Variants in CRB1 observed in about 807,000 individuals in gnomAD.
CRB1 encodes crumbs cell polarity complex component 1.
Under a neutral mutation model 120.0 loss-of-function variants are expected in CRB1, and 83 were observed. That is an observed-to-expected ratio of 0.69 (90% confidence interval 0.58 to 0.83). The LOEUF (loss-of-function observed/expected upper bound fraction) is 0.83. Among genes scored for constraint, CRB1 ranks in the 40% least tolerant of loss-of-function variants. The pLI, the probability that CRB1 is intolerant of heterozygous loss-of-function variation, is 0.00. For synonymous variants in CRB1, 625 were observed against 612.5 expected, an observed-to-expected ratio of 1.02 and a Z score of -0.30; for missense variants, 1,699 against 1,687.6, an observed-to-expected ratio of 1.01 and a Z score of -0.12.
intron 5 of CRB1, among the ~76,000 whole-genome samples, chr1:197,414,955 T>C (rs1663898582): frequency 6.6e-6 from 1 of 152,256 alleles, no homozygotes; most frequent in African/African-American, 2.4e-5. Context: ...TTCTGTTTGC[T>C]GTTCTTCGGA....
intron 5 of CRB1, among the ~76,000 whole-genome samples, chr1:197,381,781 A>G (rs1033339574): frequency 2.6e-5 from 4 of 152,208 alleles, no homozygotes; most frequent in Non-Finnish European, 5.9e-5. Flanking sequence ...AACATGAAAA[A>G]TTTTAGAAAT....
intron 2 of CRB1, among the ~76,000 whole-genome samples, chr1:197,339,156 T>C (rs1255117911): frequency 6.6e-6 from 1 of 152,266 alleles, no homozygotes; most frequent in Non-Finnish European, 1.5e-5. Flanking sequence ...ATGTTCCCAC[T>C]GAAAATAATA....
chr1:197,204,477 A>G, the CRB1 span, among the ~76,000 whole-genome samples: 1 of 152,162 alleles, frequency 6.6e-6, no homozygotes, highest in Non-Finnish European at 1.5e-5. Context: ...CCATTCTTGC[A>G]GGATTAAGGT....
At chr1:197,391,091 G>C (rs1354891261) in intron 5 of CRB1, among the ~76,000 whole-genome samples, 1 of 152,062 alleles carries the variant, frequency 6.6e-6, no homozygotes. Flanking sequence ...AGAACAAGCA[G>C]GAGAATTCGC....
At chr1:197,291,725 A>C (rs1415419928) in intron 1 of CRB1, among the ~76,000 whole-genome samples, 1 of 151,872 alleles carries the variant, frequency 6.6e-6, no homozygotes, top group South Asian at 2.1e-4. Context: ...GTTATTATTC[A>C]TTGAAATTTT....
chr1:197,354,593 A>G (rs1026900024), intron 4 of CRB1, among the ~76,000 whole-genome samples: 1 of 151,956 alleles, frequency 6.6e-6, no homozygotes. Context: ...AGAGTTGTTT[A>G]TTCCTCCTGG....
At chr1:197,341,545 A>G (rs749787796) in intron 2 of CRB1, among the ~76,000 whole-genome samples, 3 of 152,036 alleles carry the variant, frequency 2.0e-5, no homozygotes, top group Admixed American at 6.6e-5. Context: ...TCTCAGAAAA[A>G]AAAAAGAAAA....
chr1:197,346,718 T>G (rs1432503919), intron 3 of CRB1, among the ~76,000 whole-genome samples: 1 of 152,232 alleles, frequency 6.6e-6, no homozygotes, highest in African/African-American at 2.4e-5. Context: ...TCATTAGATT[T>G]GTATTTTGGG....
chr1:197,204,274 G>A, the CRB1 span, among the ~76,000 whole-genome samples: 2 of 152,116 alleles, frequency 1.3e-5, no homozygotes, highest in Non-Finnish European at 2.9e-5. Context: ...TATATTTTTC[G>A]TATAATGACT....
intron 1 of CRB1, among the ~76,000 whole-genome samples, chr1:197,319,053 A>G (rs912962684): frequency 2.0e-5 from 3 of 151,946 alleles, no homozygotes; most frequent in Non-Finnish European, 2.9e-5. Context: ...ATAGGACCTG[A>G]TAATATCTTC....
At chr1:197,339,491 A>G (rs1183876286) in intron 2 of CRB1, among the ~76,000 whole-genome samples, 2 of 152,202 alleles carry the variant, frequency 1.3e-5, no homozygotes, top group Non-Finnish European at 2.9e-5. Context: ...CATCACATAC[A>G]TTGAATGGAA....
chr1:197,267,063 A>G (rs1329478083), upstream of CRB1, among the ~76,000 whole-genome samples: 1 of 152,176 alleles, frequency 6.6e-6, no homozygotes, highest in African/African-American at 2.4e-5. Flanking sequence ...AAATCATGGG[A>G]AGACTCTGGT....
chr1:197,441,286 C>G (rs1481258590), intron 10 of CRB1: 2 of 152,068 alleles, frequency 1.3e-5, no homozygotes, highest in Non-Finnish European at 2.9e-5. Flanking sequence ...GAGTGTTTGT[C>G]ACATAGTATG....
intron 6 of CRB1, among the ~76,000 whole-genome samples, chr1:197,424,355 C>G (rs1314330618): frequency 1.3e-5 from 2 of 152,266 alleles, no homozygotes; most frequent in Non-Finnish European, 2.9e-5. Flanking sequence ...AAATAAAAAT[C>G]TCAACTTGCC....
At chr1:197,211,121 C>T in the CRB1 span, among the ~76,000 whole-genome samples, 4 of 152,064 alleles carry the variant, frequency 2.6e-5, no homozygotes, top group African/African-American at 7.2e-5. Flanking sequence ...ATGACAGGGG[C>T]TGGAAAACTT....
chr1:197,335,284 G>T (rs1481558980), intron 2 of CRB1, among the ~76,000 whole-genome samples: 2 of 152,314 alleles, frequency 1.3e-5, no homozygotes, highest in Middle Eastern at 3.4e-3. Context: ...CTTTAAGTGA[G>T]ATGGGATGTT....
At chr1:197,415,641 C>CTTTTTTTTTTTTTTTTTTTT (rs55654070) in intron 5 of CRB1, among the ~76,000 whole-genome samples, 6 of 94,014 alleles carry the variant, frequency 6.4e-5, no homozygotes, top group East Asian at 3.1e-4. Context: ...TTTTTCTTTT[C>CTTTTTTTTTTTTTTTTTTTT]TTTTTTTTTT....
At chr1:197,219,865 T>C in the CRB1 span, among the ~76,000 whole-genome samples, 1 of 152,222 alleles carries the variant, frequency 6.6e-6, no homozygotes, top group African/African-American at 2.4e-5. Flanking sequence ...AACGGTTGTG[T>C]AGTACTATCT....
intron 5 of CRB1, chr1:197,357,516 G>T: frequency 1.0e-5 from 2 of 200,982 alleles, no homozygotes; most frequent in Non-Finnish European, 1.0e-5. Context: ...AAACCCAGAG[G>T]AAATTTGCAT....
Sources: gnomAD v4.1 joint callset for allele counts (sites outside exome capture counted in the v4.1 genomes callset) on GRCh38, gnomAD v4.1.1 for gene constraint, MANE v1.5 for transcripts, NCBI Gene and HGNC (gene_info 2026-07-23, HGNC 2026-07-21) for gene names.